Variants in UBE2W observed in about 807,000 individuals in gnomAD.
UBE2W encodes the protein ubiquitin-conjugating enzyme E2 W.
UBE2W carries 18 observed loss-of-function variants against 27.2 expected under a neutral mutation model. The observed-to-expected ratio is 0.66, with a 90% confidence interval of 0.46 to 0.98. The LOEUF is 0.98. Ranked by LOEUF, UBE2W falls within the 50% of genes least tolerant of loss-of-function variation. UBE2W has a pLI of 0.00. For missense variants in UBE2W, 90 were observed against 180.2 expected (o/e 0.50, Z 2.87); for synonymous variants, 53 against 57.2 (o/e 0.93, Z 0.33).
chr8:73,847,269 T>C (rs548475624), intron 1 of UBE2W, among the ~76,000 whole-genome samples: 2 of 152,086 alleles, frequency 1.3e-5, no homozygotes, highest in African/African-American at 2.4e-5. Flanking sequence ...AAACGCAACC[T>C]CACTGGTTAT....
chr8:73,832,467 T>C (rs1336469424), intron 1 of UBE2W, among the ~76,000 whole-genome samples: 1 of 152,204 alleles, frequency 6.6e-6, no homozygotes, highest in Non-Finnish European at 1.5e-5. Flanking sequence ...GCATAATGGC[T>C]AATCTTACAT....
chr8:73,875,206 TG>T (rs1298982476), intron 1 of UBE2W, among the ~76,000 whole-genome samples: 2 of 152,206 alleles, frequency 1.3e-5, no homozygotes, highest in Non-Finnish European at 2.9e-5. Context: ...GAATTGTATA[TG>T]GCAGAACTCT....
At chr8:73,807,195 T>C (rs1040910454) in intron 4 of UBE2W, among the ~76,000 whole-genome samples, 2 of 152,250 alleles carry the variant, frequency 1.3e-5, no homozygotes, top group African/African-American at 4.8e-5. Flanking sequence ...ACTTGATTAT[T>C]TTCCTATCAT....
At chr8:73,839,726 GTTTTTTT>G (rs149185338) in intron 1 of UBE2W, among the ~76,000 whole-genome samples, 4 of 123,134 alleles carry the variant, frequency 3.2e-5, no homozygotes, top group Admixed American at 8.4e-5. Flanking sequence ...TTCTTTTTTG[GTTTTTTT>G]TTTTTTTTTT....
At chr8:73,871,679 T>G (rs1172916089) in intron 1 of UBE2W, among the ~76,000 whole-genome samples, 1 of 152,144 alleles carries the variant, frequency 6.6e-6, no homozygotes, top group East Asian at 1.9e-4. Flanking sequence ...GAACAAGTAT[T>G]TTGCAGATAC....
chr8:73,785,685 G>A (rs564621490), downstream of UBE2W, among the ~76,000 whole-genome samples: 4 of 152,182 alleles, frequency 2.6e-5, no homozygotes, highest in Admixed American at 6.5e-5. Context: ...TCTGCCTCCC[G>A]GATTCAAGCT....
In UBE2W at chr8:73,810,474, C is replaced by T; in HGVS notation, c.366G>A (p.Lys122=). ...IISMLSSCKE[K]RRPPDNSFYV... ...CTGGAATAATTCTGAAAAGTCTTAC[C>T]TTTTCCTTGCAGCTGGAAAGCATGC... Residue 122 remains lysine (K), a splice_region_variant and synonymous_variant, in exon 4 of 6, where the codon AAG becomes AAA. Transcript: ENST00000602593. The T allele has an allele frequency of 6.2e-7, 1 of 1,608,330 alleles. No homozygotes were observed. Among genetic ancestry groups the T allele is most frequent in the Non-Finnish European group, 8.5e-7 (1 of 1,178,246 alleles).
intron 1 of UBE2W, among the ~76,000 whole-genome samples, chr8:73,851,194 CT>C (rs71561537): frequency 0.046 from 6,796 of 146,242 alleles, 182 homozygotes; most frequent in Non-Finnish European, 0.062. Flanking sequence ...GTTTCATTAT[CT>C]TTTTTTTTTT....
At chr8:73,809,984 G>A (rs989821929) in intron 4 of UBE2W, among the ~76,000 whole-genome samples, 3 of 151,978 alleles carry the variant, frequency 2.0e-5, no homozygotes, top group South Asian at 4.1e-4. Flanking sequence ...AGGAAGAAAC[G>A]CCCTGAAAAT....
At chr8:73,803,769 CTTTTTTTTTTT>C (rs534146460) in intron 5 of UBE2W, among the ~76,000 whole-genome samples, 1 of 128,400 alleles carries the variant, frequency 7.8e-6, no homozygotes, top group Non-Finnish European at 1.6e-5. Flanking sequence ...TTTTTCTTTT[CTTTTTTTTTTT>C]TTTTGAGACG....
At chr8:73,798,594 T>C (rs1359504164) in intron 5 of UBE2W, among the ~76,000 whole-genome samples, 1 of 152,212 alleles carries the variant, frequency 6.6e-6, no homozygotes, top group Non-Finnish European at 1.5e-5. Context: ...GCAAATCATT[T>C]ATGAAACTAA....
Position 73,786,422 on chromosome 8 carries a change from T to C in UBE2W, c.*7680A>G, listed in dbSNP as rs1394614840. The C allele has an allele frequency of 7.1e-6, 7 of 985,044 alleles. No individual in the cohort carries two copies. In the East Asian group the frequency reaches 4.5e-4, roughly 64 times the overall value. 61.0% of individuals were successfully genotyped at this position (985,044 alleles called of 1,614,324 possible). On this transcript the variant is annotated 3_prime_UTR_variant, in exon 6 of 6. Transcript: ENST00000602593. The stretch of plus-strand genomic sequence containing the variant: ...TCAATACACACTTATTAAATGCCTA[T>C]GTGCTACAGGTACTGTATACTAGGT...
In UBE2W at chr8:73,787,201, A is replaced by G; in HGVS notation, c.*6901T>C. 1 of 985,476 alleles carries G rather than the reference A, an allele frequency of 1.0e-6. No homozygotes were observed. The highest frequency in any genetic ancestry group is 1.2e-6 in the Non-Finnish European group (1 of 829,936). The allele number at this position is 985,476 out of a possible 1,614,324, so 61.0% of individuals were successfully genotyped here. A position where few individuals can be genotyped will look rare whatever the true frequency, so the allele number is the denominator to read the frequency against. ...TTGAAAGGGGCTCCCAACAGGACAG[A>G]TAACCACAGTGGCTTTGAGCTTTGT... On this transcript the variant is annotated 3_prime_UTR_variant, in exon 6 of 6. Coordinates refer to ENST00000602593, the MANE Select transcript of UBE2W (RefSeq NM_018299.6).
Position 73,789,831 on chromosome 8 carries a change from C to T in UBE2W, c.*4271G>A, listed in dbSNP as rs986764688. 1.6e-4 allele frequency: 136 copies of T among 835,358 alleles called. No individual in the cohort carries two copies. The highest frequency in any genetic ancestry group is 1.8e-4 in the Non-Finnish European group (128 of 693,432). The allele number at this position is 835,358 out of a possible 1,614,324, so 51.7% of individuals were successfully genotyped here. A position where few individuals can be genotyped will look rare whatever the true frequency, so the allele number is the denominator to read the frequency against. ...AAGCCCGGGTGACAGAGCAAGACTC[C>T]GTCTCAAAAATAAATAAATAAATAA... On this transcript the variant is annotated 3_prime_UTR_variant, in exon 6 of 6. Coordinates refer to ENST00000602593, the MANE Select transcript of UBE2W (RefSeq NM_018299.6).
intron 5 of UBE2W, among the ~76,000 whole-genome samples, chr8:73,794,644 G>A (rs1808336866): frequency 6.6e-6 from 1 of 152,066 alleles, no homozygotes; most frequent in South Asian, 2.1e-4. Flanking sequence ...GCTCACACCT[G>A]TAATCCCAGC....
chr8:73,878,788 A>G lies in UBE2W; in HGVS notation c.15+20T>C. The G allele has an allele frequency of 6.5e-7, 1 of 1,546,540 alleles. No individual in the cohort carries two copies. Among genetic ancestry groups the G allele is most frequent in the Non-Finnish European group, 8.7e-7 (1 of 1,143,046 alleles). ...CTCGGCGGCTCCCTGGCCCGCCCAG[A>G]TGCAGCAAACTCCTCTCACCTGCAT... On this transcript the variant is annotated intron_variant, in intron 1 of 5. Transcript: ENST00000602593.
chr8:73,817,299 G>C (rs1443126543), intron 3 of UBE2W, among the ~76,000 whole-genome samples: 1 of 152,126 alleles, frequency 6.6e-6, no homozygotes, highest in African/African-American at 2.4e-5. Flanking sequence ...CTGCACTACA[G>C]CCTGGGTGAC....
At chr8:73,821,506 C>T (rs1473977163) in intron 3 of UBE2W, among the ~76,000 whole-genome samples, 1 of 92,070 alleles carries the variant, frequency 1.1e-5, no homozygotes, top group South Asian at 3.7e-4. Flanking sequence ...TGGAGTGAGA[C>T]AGAGTGTGTG....
At chr8:73,854,764 A>G (rs1287273037) in intron 1 of UBE2W, among the ~76,000 whole-genome samples, 1 of 152,188 alleles carries the variant, frequency 6.6e-6, no homozygotes, top group Admixed American at 6.5e-5. Flanking sequence ...GAAAACCCAC[A>G]TGTAACTTCC....
Sources: allele counts gnomAD v4.1 joint callset (sites outside exome capture counted in the v4.1 genomes callset), GRCh38; gene constraint gnomAD v4.1.1; transcripts MANE v1.5; gene names NCBI Gene and HGNC (gene_info 2026-07-23, HGNC 2026-07-21).